Variants in PHACTR2 observed in about 807,000 individuals in gnomAD.
The protein encoded by PHACTR2 is phosphatase and actin regulator 2.
A neutral mutation model predicts 76.0 loss-of-function variants in PHACTR2; 30 were observed. The observed-to-expected ratio is 0.39, with a 90% CI of 0.30 to 0.54. PHACTR2 has a LOEUF of 0.54. Among genes scored for constraint, PHACTR2 ranks in the 20% least tolerant of loss-of-function variants. The pLI is 0.61. For synonymous variants in PHACTR2, 292 were observed against 292.5 expected (o/e 1.00, Z 0.02); for missense variants, 696 against 781.1 (o/e 0.89, Z 1.30).
rs1409601689 is a variant in PHACTR2 at position 143,787,661 on chromosome 6, C to A, written c.1708-1112C>A. Among the ~76,000 whole-genome samples the A allele has an allele frequency of 6.6e-6, 1 of 152,114 alleles. No individual in the cohort carries two copies. Among genetic ancestry groups the A allele is most frequent in the African/African-American group, 2.4e-5 (1 of 41,406 alleles). On this transcript the variant is annotated intron_variant, in intron 10 of 12. Coordinates refer to ENST00000440869, the MANE Select transcript of PHACTR2 (RefSeq NM_001100164.2). The surrounding 1 kb of genome is among the most constrained non-coding windows in gnomAD (Gnocchi z 4.6). ...GGTGTTGTGGCTTATGCCTGTAACC[C>A]CAGCACTTTGGGAGGCTGAGATGGG...
At chr6:143,681,486 C>T (rs973686382) in intron 1 of PHACTR2, among the ~76,000 whole-genome samples, 6 of 151,602 alleles carry the variant, frequency 4.0e-5, no homozygotes, top group African/African-American at 1.2e-4. Flanking sequence ...ATACTAGATC[C>T]AAATCCCTTG....
intron 1 of PHACTR2, among the ~76,000 whole-genome samples, chr6:143,682,246 T>G (rs1293026864): frequency 1.3e-5 from 2 of 152,204 alleles, no homozygotes; most frequent in Non-Finnish European, 2.9e-5. Flanking sequence ...TTTCACCATG[T>G]TTTGTAGTTT....
At position 143,571,627 on chromosome 6, in the gene PHACTR2, C is replaced by T. The variant is rs1015967174; in HGVS notation, c.217+34420C>T. ...TGAGGTCTTGCTATGTTTCCCAGGC[C>T]GGTCAATCATCACTCATTTTGTTGC... On this transcript the variant is annotated intron_variant, in intron 1 of 11. Transcript: ENST00000367584. This position sits in a 1 kb window ranked among gnomAD's most constrained non-coding sequence, Gnocchi z 4.6. Among the ~76,000 whole-genome samples the T allele has an allele frequency of 2.6e-5, 4 of 151,838 alleles. No homozygotes were observed. Among genetic ancestry groups the T allele is most frequent in the Admixed American group, 6.6e-5 (1 of 15,244 alleles).
Position 143,608,292 on chromosome 6 carries a change from C to T in PHACTR2, c.-18C>T. 6.2e-7 allele frequency: 1 copy of T among 1,614,064 alleles called. No individual in the cohort carries two copies. The highest frequency in any genetic ancestry group is 2.2e-5 in the East Asian group (1 of 44,890). On this transcript the variant is annotated 5_prime_UTR_variant, in exon 1 of 12. Coordinates refer to the PHACTR2 transcript ENST00000305766. This position sits in a 1 kb window ranked among gnomAD's most constrained non-coding sequence, Gnocchi z 4.6. ...CCCGGCTGCCAGGCTACAGAACTCGCCTCGCCACTCCTGAGACATGGACAA... is the reference window on the plus strand; with the variant it reads ...CCCGGCTGCCAGGCTACAGAACTCGTCTCGCCACTCCTGAGACATGGACAA...
At chr6:143,802,647 C>CAA (rs55737411) in intron 11 of PHACTR2, among the ~76,000 whole-genome samples, 19 of 90,116 alleles carry the variant, frequency 2.1e-4, no homozygotes, top group African/African-American at 5.2e-4. Flanking sequence ...GACCCTGTCT[C>CAA]AAAAAAAAAA....
At chr6:143,786,748 C>T (rs1660537780) in intron 10 of PHACTR2, among the ~76,000 whole-genome samples, 1 of 152,150 alleles carries the variant, frequency 6.6e-6, no homozygotes, top group Non-Finnish European at 1.5e-5. Context: ...CCTTGATAAA[C>T]CCATCAGATC....
chr6:143,630,832 A>G (rs185785907), intron 1 of PHACTR2, among the ~76,000 whole-genome samples: 4 of 152,374 alleles, frequency 2.6e-5, no homozygotes, highest in Admixed American at 2.6e-4. Flanking sequence ...GAGCAGGGAA[A>G]GAACTGAGAT....
At chr6:143,564,071 G>A (rs921457760) in intron 1 of PHACTR2, among the ~76,000 whole-genome samples, 1 of 151,156 alleles carries the variant, frequency 6.6e-6, no homozygotes, top group African/African-American at 2.4e-5. Flanking sequence ...CATAAGCTGA[G>A]AGAAGTCAAA....
At chr6:143,637,285 G>A (rs762939417) in intron 1 of PHACTR2, among the ~76,000 whole-genome samples, 3 of 149,594 alleles carry the variant, frequency 2.0e-5, no homozygotes, top group Non-Finnish European at 4.4e-5. Context: ...CCATTCTTTT[G>A]TTTTTCTAAG....
At chr6:143,675,131 G>T (rs1037244945), upstream of PHACTR2, among the ~76,000 whole-genome samples, 1 of 152,140 alleles carries the variant, frequency 6.6e-6, no homozygotes, top group Admixed American at 6.5e-5. This position sits in a 1 kb window ranked among gnomAD's most constrained non-coding sequence, Gnocchi z 4.9. Flanking sequence ...TGTCATAAAG[G>T]CACACTGGCT....
chr6:143,645,177 CA>C (rs561619440), intron 1 of PHACTR2, among the ~76,000 whole-genome samples: 4 of 152,052 alleles, frequency 2.6e-5, no homozygotes, highest in South Asian at 4.2e-4. Context: ...AGTCGTTATA[CA>C]AAAAAGATAC....
intron 1 of PHACTR2, among the ~76,000 whole-genome samples, chr6:143,590,967 C>T (rs1459180668): frequency 6.6e-6 from 1 of 152,172 alleles, no homozygotes; most frequent in Non-Finnish European, 1.5e-5. Context: ...AATCCATACC[C>T]ACTACCATGA....
chr6:143,615,107 A>G (rs1304032314), intron 1 of PHACTR2, among the ~76,000 whole-genome samples: 1 of 152,220 alleles, frequency 6.6e-6, no homozygotes, highest in African/African-American at 2.4e-5. Flanking sequence ...CACATGTTAC[A>G]TCATTAATAC....
At chr6:143,665,495 T>C (rs1050302350) in intron 1 of PHACTR2, among the ~76,000 whole-genome samples, 4 of 152,230 alleles carry the variant, frequency 2.6e-5, no homozygotes, top group Non-Finnish European at 2.9e-5. Context: ...CTCACTGTTG[T>C]GCTAGTTTTA....
chr6:143,563,547 G>A (rs1351783238), intron 1 of PHACTR2, among the ~76,000 whole-genome samples: 2 of 23,828 alleles, frequency 8.4e-5, no homozygotes, highest in African/African-American at 2.7e-4. Flanking sequence ...CACAAACTCC[G>A]TCTCAAAAAA....
rs370347072 is a variant in PHACTR2 at position 143,579,043 on chromosome 6, A to G, written c.217+41836A>G. ...CTCAGCCTCTTGAGTAGCTGGGACT[A>G]CAGGTGCATGCCACCACACCTGGCT... On this transcript the variant is annotated intron_variant, in intron 1 of 11. Coordinates refer to the PHACTR2 transcript ENST00000367584. 7.2e-5 allele frequency among the ~76,000 whole-genome samples: 11 copies of G among 152,098 alleles called. 2 individuals carry two copies. Among genetic ancestry groups the G allele is most frequent in the South Asian group, 2.1e-4 (1 of 4,810 alleles).
rs1301423781 is a variant in PHACTR2 at position 143,787,417 on chromosome 6, G to A, written c.1708-1356G>A. 6.6e-6 allele frequency among the ~76,000 whole-genome samples: 1 copy of A among 152,168 alleles called. No homozygotes were observed. The highest frequency in any genetic ancestry group is 1.5e-5 in the Non-Finnish European group (1 of 68,026). On this transcript the variant is annotated intron_variant, in intron 10 of 12. Transcript: ENST00000440869. The surrounding 1 kb of genome is among the most constrained non-coding windows in gnomAD (Gnocchi z 4.6). The stretch of plus-strand genomic sequence containing the variant: ...GATCACTTAGATTATTCTTTCTCTT[G>A]TCCATTGCCTACCGGGGCTCTATGA...
At chr6:143,797,237 G>A (rs1775847077) in intron 11 of PHACTR2, among the ~76,000 whole-genome samples, 1 of 152,154 alleles carries the variant, frequency 6.6e-6, no homozygotes, top group Non-Finnish European at 1.5e-5. Flanking sequence ...CATATCCTTA[G>A]CCCATTTTTT....
At position 143,647,474 on chromosome 6, in the gene PHACTR2, A is replaced by G. The variant is rs746344237; in HGVS notation, c.13+39152A>G. Among the ~76,000 whole-genome samples the G allele has an allele frequency of 3.3e-4, 50 of 152,178 alleles. No individual in the cohort carries two copies. Among genetic ancestry groups the G allele is most frequent in the Non-Finnish European group, 5.0e-4 (34 of 68,034 alleles). On this transcript the variant is annotated intron_variant, in intron 1 of 11. Coordinates refer to the PHACTR2 transcript ENST00000305766. This position sits in a 1 kb window ranked among gnomAD's most constrained non-coding sequence, Gnocchi z 4.2. Reference sequence around the variant, plus strand: ...GCTCCCAGTGTAGTCTAGGTATACTATCCATGGTGAAGAGGACAGCCTAGG... The same window carrying G: ...GCTCCCAGTGTAGTCTAGGTATACTGTCCATGGTGAAGAGGACAGCCTAGG...
Sources: gnomAD v4.1 joint callset for allele counts (sites outside exome capture counted in the v4.1 genomes callset) on GRCh38, gnomAD v4.1.1 for gene constraint, Gnocchi (gnomAD v3.1) non-coding constraint, MANE v1.5 for transcripts, NCBI Gene and HGNC (gene_info 2026-07-23, HGNC 2026-07-21) for gene names.